Variants in MICU2 observed in about 807,000 individuals in gnomAD.
MICU2 encodes calcium uptake protein 2, mitochondrial.
MICU2 carries 64 observed loss-of-function variants against 60.4 expected under a neutral mutation model. The ratio of observed to expected loss-of-function variants is 1.06; its 90% CI spans 0.87 to 1.31. MICU2 has a LOEUF of 1.31. Among genes scored for constraint, MICU2 ranks in the 50% most tolerant of loss-of-function variants. MICU2 has a pLI of 0.00. For missense variants in MICU2, 569 were observed against 531.0 expected (o/e 1.07, Z -0.70); for synonymous variants, 201 against 175.0 (o/e 1.15, Z -1.17).
intron 9 of MICU2, among the ~76,000 whole-genome samples, chr13:21,500,506 C>T (rs1886125421): frequency 6.7e-6 from 1 of 148,186 alleles, no homozygotes; most frequent in Non-Finnish European, 1.5e-5. Context: ...CCTTTGTCTC[C>T]CAGGTTCATC....
intron 4 of MICU2, among the ~76,000 whole-genome samples, chr13:21,527,167 T>C (rs1886880036): frequency 6.6e-6 from 1 of 152,216 alleles, no homozygotes; most frequent in Non-Finnish European, 1.5e-5. Context: ...AGTCCTTCTA[T>C]AAAGGGAGAA....
At chr13:21,567,202 G>A (rs1413471432) in intron 1 of MICU2, among the ~76,000 whole-genome samples, 1 of 152,176 alleles carries the variant, frequency 6.6e-6, no homozygotes, top group East Asian at 1.9e-4. Context: ...ATGTAAAACG[G>A]TAAGAAGTAC....
rs113126801 is a variant in MICU2 at position 21,566,923 on chromosome 13, T to C, written c.232A>G (p.Ile78Val). Residue 78 changes from isoleucine (I) to valine (V), a missense_variant, in exon 2 of 12, where the codon ATA becomes GTA. Physicochemically the swap from Ile to Val is conservative, Grantham distance 29. Transcript: ENST00000382374. ...CGAAGAGACGGTTTCCCAATATATA[T>C]TATTCCATGTTCAACATTTTTCTAA... is the stretch of plus-strand genomic sequence containing the variant. Reference protein sequence around the residue: ...SAQKNVEHGIIYIGKPSLRKQ... With the variant: ...SAQKNVEHGIVYIGKPSLRKQ... 1.8e-5 allele frequency: 29 copies of C among 1,594,122 alleles called. No homozygotes were observed. Among genetic ancestry groups the C allele is most frequent in the African/African-American group, 1.8e-4 (13 of 73,430 alleles).
At chr13:21,566,685 G>A (rs1209865357) in intron 2 of MICU2, 112 bp downstream of exon 2, 3 of 852,688 alleles carry the variant, frequency 3.5e-6, no homozygotes, top group Non-Finnish European at 5.2e-6. Context: ...GCAAATGCAT[G>A]GTACAAAGAT....
chr13:21,559,058 G>A (rs1887776284), intron 2 of MICU2, among the ~76,000 whole-genome samples: 1 of 152,144 alleles, frequency 6.6e-6, no homozygotes, highest in South Asian at 2.1e-4. Context: ...AAGCATCCCA[G>A]ACTCTTAGTT....
intron 4 of MICU2, chr13:21,530,658 A>C (rs1232112962): frequency 3.2e-6 from 1 of 316,212 alleles, no homozygotes. Context: ...TGAAAGTTAA[A>C]AAAATAAAAA....
At chr13:21,550,738 C>T (rs1200939069) in intron 2 of MICU2, among the ~76,000 whole-genome samples, 3 of 152,106 alleles carry the variant, frequency 2.0e-5, no homozygotes, top group African/African-American at 7.2e-5. Context: ...TCAGAGCCTC[C>T]TATGTGCCAG....
At chr13:21,559,931 C>T (rs1047310602) in intron 2 of MICU2, among the ~76,000 whole-genome samples, 62 of 152,282 alleles carry the variant, frequency 4.1e-4, no homozygotes, top group African/African-American at 1.5e-3. Flanking sequence ...TGTTGCTAAT[C>T]TTATATAAAA....
At chr13:21,499,685 C>T (rs1886094922) in intron 9 of MICU2, among the ~76,000 whole-genome samples, 1 of 150,936 alleles carries the variant, frequency 6.6e-6, no homozygotes, top group Non-Finnish European at 1.5e-5. Context: ...GCTGGGATTA[C>T]AAGTTTGAGC....
At chr13:21,554,321 T>C (rs1002599219) in intron 2 of MICU2, among the ~76,000 whole-genome samples, 1 of 152,232 alleles carries the variant, frequency 6.6e-6, no homozygotes, top group African/African-American at 2.4e-5. Flanking sequence ...ACAGAAATTA[T>C]AACAAACTGT....
chr13:21,574,982 A>G (rs1888190003), intron 1 of MICU2, among the ~76,000 whole-genome samples: 1 of 152,252 alleles, frequency 6.6e-6, no homozygotes, highest in Non-Finnish European at 1.5e-5. Context: ...ACAAAATGAC[A>G]GCCAATGAGA....
At position 21,602,109 on chromosome 13, in the gene MICU2, AC is replaced by A. The variant is rs199668261; in HGVS notation, c.210+1829del. Among the ~76,000 whole-genome samples, 20 of 142,326 alleles carry A rather than the reference AC, an allele frequency of 1.4e-4. 3 individuals carry two copies. Among genetic ancestry groups the A allele is most frequent in the Non-Finnish European group, 1.7e-4 (11 of 64,472 alleles). 93.4% of individuals were successfully genotyped at this position (142,326 alleles called of 152,430 possible). A position where few individuals can be genotyped will look rare whatever the true frequency, so the allele number is the denominator to read the frequency against. On this transcript the variant is annotated intron_variant, in intron 1 of 11. Coordinates refer to ENST00000382374, the MANE Select transcript of MICU2 (RefSeq NM_152726.3). The stretch of plus-strand genomic sequence containing the variant: ...GGGTGACAGAGACTCCATCTCAACA[AC>A]AAAAAAAAAGTGCATTTTACTCTTG...
intron 1 of MICU2, among the ~76,000 whole-genome samples, chr13:21,602,357 C>A (rs1272817832): frequency 6.6e-6 from 1 of 152,018 alleles, no homozygotes; most frequent in Admixed American, 6.5e-5. Context: ...CCCGTCTCTA[C>A]TAAAAACACA....
At chr13:21,584,162 G>C (rs1261232293) in intron 1 of MICU2, among the ~76,000 whole-genome samples, 2 of 152,132 alleles carry the variant, frequency 1.3e-5, no homozygotes, top group Non-Finnish European at 2.9e-5. Context: ...GGCTGGGGCG[G>C]GTGGATCATG....
chr13:21,592,090 G>GA (rs903708254), intron 1 of MICU2, among the ~76,000 whole-genome samples: 14 of 150,120 alleles, frequency 9.3e-5, no homozygotes, highest in African/African-American at 2.4e-4. Context: ...CTGGTTTTTT[G>GA]AAAAAAAATT....
chr13:21,578,791 T>C (rs1435789663), intron 1 of MICU2, among the ~76,000 whole-genome samples: 1 of 152,196 alleles, frequency 6.6e-6, no homozygotes. Flanking sequence ...TACTGCATAT[T>C]GCTAATTACT....
chr13:21,584,280 T>C (rs1888412194), intron 1 of MICU2, among the ~76,000 whole-genome samples: 1 of 151,460 alleles, frequency 6.6e-6, no homozygotes. Flanking sequence ...TCCCAGCTAC[T>C]CGGGAGGCTG....
At chr13:21,563,230 C>A (rs12428659) in intron 2 of MICU2, among the ~76,000 whole-genome samples, 3 of 151,796 alleles carry the variant, frequency 2.0e-5, no homozygotes, top group Non-Finnish European at 4.4e-5. Context: ...CCAAGGTGGG[C>A]GGATCATGAG....
intron 2 of MICU2, among the ~76,000 whole-genome samples, chr13:21,559,488 C>G (rs949162628): frequency 2.0e-5 from 3 of 151,374 alleles, no homozygotes; most frequent in Non-Finnish European, 4.4e-5. Flanking sequence ...TTTTATATAA[C>G]AGTTCTAAGT....
Sources: allele counts gnomAD v4.1 joint callset (sites outside exome capture counted in the v4.1 genomes callset), GRCh38; gene constraint gnomAD v4.1.1; transcripts MANE v1.5; gene names NCBI Gene and HGNC (gene_info 2026-07-23, HGNC 2026-07-21).